The following ZNF804A variants were observed in gnomAD, a reference collection of about 807,000 sequenced individuals.
ZNF804A encodes the protein zinc finger protein 804A.
Under a neutral mutation model 16.5 loss-of-function variants are expected in ZNF804A, and 2 were observed. The ratio of observed to expected loss-of-function variants is 0.12; its 90% CI spans 0.05 to 0.38. ZNF804A has a LOEUF of 0.38. Ranked by LOEUF, ZNF804A falls within the 10% of genes least tolerant of loss-of-function variation. The pLI, the probability that ZNF804A is intolerant of heterozygous loss-of-function variation, is 0.99. For missense variants in ZNF804A, 1,473 were observed against 1,390.7 expected (o/e 1.06, Z -0.94); for synonymous variants, 534 against 489.6 (o/e 1.09, Z -1.20).
chr2:184,858,450 G>GC (rs1303904050), intron 1 of ZNF804A, among the ~76,000 whole-genome samples: 1 of 150,446 alleles, frequency 6.6e-6, no homozygotes, highest in African/African-American at 2.4e-5. Context: ...TTTGCAGTGA[G>GC]CCGAGATCGC....
chr2:184,884,809 A>G (rs1341017559), intron 2 of ZNF804A, among the ~76,000 whole-genome samples: 1 of 152,168 alleles, frequency 6.6e-6, no homozygotes, highest in Admixed American at 6.5e-5. Context: ...CATGATAAAG[A>G]CCCCAAAAGC....
At chr2:184,680,864 G>C (rs1193103910) in intron 1 of ZNF804A, among the ~76,000 whole-genome samples, 2 of 152,246 alleles carry the variant, frequency 1.3e-5, no homozygotes, top group African/African-American at 4.8e-5. Context: ...CCAAGCCAGG[G>C]CTGTGACAAC....
intron 1 of ZNF804A, among the ~76,000 whole-genome samples, chr2:184,647,173 G>T (rs1039030894): frequency 6.6e-6 from 1 of 152,166 alleles, no homozygotes; most frequent in Non-Finnish European, 1.5e-5. Context: ...TGCACCCCTA[G>T]GAAGGAGGAG....
chr2:184,644,443 A>T (rs1051147434), intron 1 of ZNF804A, among the ~76,000 whole-genome samples: 3 of 151,796 alleles, frequency 2.0e-5, no homozygotes, highest in Admixed American at 2.0e-4. Context: ...TTATTATAAA[A>T]TAAAATATTA....
intron 1 of ZNF804A, among the ~76,000 whole-genome samples, chr2:184,726,667 G>A (rs577812844): frequency 2.0e-4 from 30 of 151,344 alleles, no homozygotes; most frequent in South Asian, 4.2e-4. Flanking sequence ...ATTGTTCTTC[G>A]TATTAAAATT....
At position 184,599,066 on chromosome 2, in the gene ZNF804A, C is replaced by T. The variant is rs1369688786; in HGVS notation, c.107C>T (p.Thr36Ile). The change falls in exon 1 of 4, where the codon ACT becomes ATT. Residue 36 changes from threonine to isoleucine, a missense_variant. Thr to Ile is a moderately conservative substitution (Grantham distance 89). Transcript: ENST00000302277. The stretch of plus-strand genomic sequence containing the variant: ...CCTCTCAGCAAGAACGGGAACAAAA[C>T]TCTGGTAATCGCTTCTGTTTTCCTC... ...RGPLSKNGNK[T>I]LDYAEKENTI... 1 of 1,606,494 alleles carries T rather than the reference C, an allele frequency of 6.2e-7. No individual in the cohort carries two copies. The highest frequency in any genetic ancestry group is 1.1e-5 in the South Asian group (1 of 90,894).
chr2:184,794,551 A>G lies in ZNF804A; in HGVS notation c.112-71818A>G, dbSNP rs1694601487. On this transcript the variant is annotated intron_variant, in intron 1 of 3. Transcript: ENST00000302277. ...TGTTTACTGACTTCCTTTTGCCTTA[A>G]ATCTCATAGTACCTATAGAACAAAA... 2.0e-5 allele frequency among the ~76,000 whole-genome samples: 3 copies of G among 151,948 alleles called. No individual in the cohort carries two copies. The South Asian group carries it at 6.2e-4, about 31-fold the overall frequency.
intron 1 of ZNF804A, among the ~76,000 whole-genome samples, chr2:184,827,408 T>C (rs1480211688): frequency 1.4e-5 from 2 of 147,368 alleles, no homozygotes; most frequent in East Asian, 3.9e-4. Context: ...TTATTTAAAT[T>C]GATAACTTTA....
At chr2:184,930,049 A>G (rs1245165860) in intron 2 of ZNF804A, among the ~76,000 whole-genome samples, 1 of 152,198 alleles carries the variant, frequency 6.6e-6, no homozygotes, top group Non-Finnish European at 1.5e-5. Flanking sequence ...CACTCATAGA[A>G]ACACACAATG....
At chr2:184,601,761 C>T (rs561627214) in intron 1 of ZNF804A, among the ~76,000 whole-genome samples, 13 of 151,474 alleles carry the variant, frequency 8.6e-5, no homozygotes, top group East Asian at 3.9e-4. Context: ...TTTCTTACTT[C>T]GGGGAAGTGC....
intron 1 of ZNF804A, among the ~76,000 whole-genome samples, chr2:184,603,662 G>A (rs969781548): frequency 6.6e-6 from 1 of 152,098 alleles, no homozygotes; most frequent in Non-Finnish European, 1.5e-5. Flanking sequence ...ATTATTTTTA[G>A]GTTAATGTCC....
At chr2:184,725,236 G>C (rs956253119) in intron 1 of ZNF804A, among the ~76,000 whole-genome samples, 11 of 151,584 alleles carry the variant, frequency 7.3e-5, no homozygotes, top group African/African-American at 2.7e-4. Flanking sequence ...TATACATAGA[G>C]AGTGCTACTG....
chr2:184,852,965 T>C (rs1411091528), intron 1 of ZNF804A, among the ~76,000 whole-genome samples: 1 of 151,874 alleles, frequency 6.6e-6, no homozygotes, highest in Non-Finnish European at 1.5e-5. Context: ...ATTTTTTTTC[T>C]ATTTCTGTGA....
intron 1 of ZNF804A, among the ~76,000 whole-genome samples, chr2:184,820,827 A>T (rs745921919): frequency 1.3e-5 from 2 of 151,906 alleles, no homozygotes; most frequent in Non-Finnish European, 2.9e-5. Flanking sequence ...CTGCTACAAA[A>T]ATAATAAAAT....
At chr2:184,891,102 A>G in intron 2 of ZNF804A, among the ~76,000 whole-genome samples, 1 of 152,210 alleles carries the variant, frequency 6.6e-6, no homozygotes, top group South Asian at 2.1e-4. Context: ...TAAAAATTCA[A>G]ATTAATATAA....
intron 3 of ZNF804A, among the ~76,000 whole-genome samples, chr2:184,934,939 A>G (rs550963383): frequency 6.6e-6 from 1 of 152,242 alleles, no homozygotes; most frequent in South Asian, 2.1e-4. Context: ...TAGATAAAGG[A>G]AATATCCAAC....
chr2:184,645,437 A>G (rs1323127552), intron 1 of ZNF804A, among the ~76,000 whole-genome samples: 1 of 152,208 alleles, frequency 6.6e-6, no homozygotes, highest in Non-Finnish European at 1.5e-5. Context: ...GTTTATTAGC[A>G]AAATAAAGTG....
intron 1 of ZNF804A, among the ~76,000 whole-genome samples, chr2:184,684,937 G>T (rs1248954625): frequency 6.6e-6 from 1 of 152,074 alleles, no homozygotes; most frequent in Non-Finnish European, 1.5e-5. Context: ...ATAGGTCATG[G>T]GATCTATGGT....
chr2:184,846,350 C>CT (rs36096463), intron 1 of ZNF804A, among the ~76,000 whole-genome samples: 1 of 152,056 alleles, frequency 6.6e-6, no homozygotes, highest in Non-Finnish European at 1.5e-5. Context: ...CATTATATGC[C>CT]TTTTTTCTAC....
Sources: gnomAD v4.1 joint callset for allele counts (sites outside exome capture counted in the v4.1 genomes callset) on GRCh38, gnomAD v4.1.1 for gene constraint, MANE v1.5 for transcripts, NCBI Gene and HGNC (gene_info 2026-07-23, HGNC 2026-07-21) for gene names.